The following ATAD2B variants were observed in gnomAD, a reference collection of about 807,000 sequenced individuals.
The protein encoded by ATAD2B is ATPase family AAA domain containing 2B.
In ATAD2B, 40 loss-of-function variants were observed where a neutral mutation model predicts 167.6. That is an observed-to-expected ratio of 0.24 (90% CI 0.19 to 0.31). ATAD2B has a LOEUF of 0.31. ATAD2B is among the 10% of genes least tolerant of loss of function. The pLI, the probability that ATAD2B is intolerant of heterozygous loss-of-function variation, is 1.00. For missense variants in ATAD2B, 1,242 were observed against 1,757.2 expected, an observed-to-expected ratio of 0.71 and a Z score of 5.24; for synonymous variants, 579 against 596.5, an observed-to-expected ratio of 0.97 and a Z score of 0.43.
intron 1 of ATAD2B, among the ~76,000 whole-genome samples, chr2:23,916,899 T>C (rs1703118360): frequency 6.6e-6 from 1 of 152,206 alleles, no homozygotes; most frequent in Admixed American, 6.5e-5. Flanking sequence ...GCTATTTTTT[T>C]ATGGCATGTA....
At position 23,791,513 on chromosome 2, in the gene ATAD2B, C is replaced by T. The variant is rs562419203; in HGVS notation, c.2641-2866G>A. ...CTTTCAATGGCAAAAAACGCAATTACTCTTGCCCAACCTATATTTTAGTGG... is the reference window on the plus strand; with the variant it reads ...CTTTCAATGGCAAAAAACGCAATTATTCTTGCCCAACCTATATTTTAGTGG... On this transcript the variant is annotated intron_variant, in intron 19 of 27. Transcript: ENST00000238789. Among the ~76,000 whole-genome samples, 9 of 151,526 alleles carry T rather than the reference C, an allele frequency of 5.9e-5. No individual in the cohort carries two copies. In the South Asian group the frequency reaches 1.5e-3, roughly 25 times the overall value.
chr2:23,883,886 G>C (rs1265304453), intron 6 of ATAD2B, among the ~76,000 whole-genome samples: 1 of 152,178 alleles, frequency 6.6e-6, no homozygotes, highest in Non-Finnish European at 1.5e-5. Context: ...GCTCACGCCT[G>C]TAATGCTAGC....
chr2:23,714,406 A>ATT, the ATAD2B span, among the ~76,000 whole-genome samples: 180 of 139,278 alleles, frequency 1.3e-3, 7 homozygotes, highest in Middle Eastern at 3.6e-3. Flanking sequence ...CGCCCGGCAA[A>ATT]TTTTTTTTTT....
chr2:23,874,109 C>G (rs1481101266), intron 8 of ATAD2B, among the ~76,000 whole-genome samples: 1 of 151,944 alleles, frequency 6.6e-6, no homozygotes, highest in African/African-American at 2.4e-5. Flanking sequence ...ATTGCTTCAA[C>G]CAAGGAGGCG....
chr2:23,862,485 A>G (rs957987129), intron 12 of ATAD2B, among the ~76,000 whole-genome samples: 15 of 141,558 alleles, frequency 1.1e-4, no homozygotes, highest in Non-Finnish European at 2.1e-4. Flanking sequence ...ATAATCGCTC[A>G]CTGCAGCCTT....
downstream of ATAD2B, among the ~76,000 whole-genome samples, chr2:23,746,717 T>C (rs1674902276): frequency 6.6e-6 from 1 of 152,124 alleles, no homozygotes; most frequent in Non-Finnish European, 1.5e-5. Context: ...ATAAAGAAGA[T>C]AAAGTTCAGG....
the ATAD2B span, among the ~76,000 whole-genome samples, chr2:23,713,811 G>GA: frequency 6.6e-6 from 1 of 152,108 alleles, no homozygotes; most frequent in African/African-American, 2.4e-5. Flanking sequence ...ATACAAAAAT[G>GA]AATACATTTT....
At position 23,895,875 on chromosome 2, in the gene ATAD2B, T is replaced by C; in HGVS notation, c.312A>G (p.Ser104=). ...CTCGCTGACCAGTACTTCGTGATTT[T>C]GATTTGTCTTTGCAAACAGAATCAG... is the stretch of plus-strand genomic sequence containing the variant. ...KQPDSVCKDK[S]KSRSTGQREE... is the part of the protein sequence containing the mutation. Residue 104 remains serine, a synonymous_variant, in exon 2 of 28, where the codon TCA becomes TCG. Transcript: ENST00000238789. 1 of 1,613,452 alleles carries C rather than the reference T, an allele frequency of 6.2e-7. No individual in the cohort carries two copies. The highest frequency in any genetic ancestry group is 8.5e-7 in the Non-Finnish European group (1 of 1,179,556).
intron 22 of ATAD2B, 26 bp downstream of exon 22, chr2:23,782,843 G>A (rs1680262365): frequency 6.3e-7 from 1 of 1,578,106 alleles, no homozygotes; most frequent in Non-Finnish European, 8.6e-7. Flanking sequence ...GATTATCAAG[G>A]GGAACCTTGC....
In ATAD2B at chr2:23,888,393, A is replaced by C; in HGVS notation, c.375T>G (p.Thr125=). 1 of 1,587,618 alleles carries C rather than the reference A, an allele frequency of 6.3e-7. No individual in the cohort carries two copies. Among genetic ancestry groups the C allele is most frequent in the Admixed American group, 1.8e-5 (1 of 54,982 alleles). Residue 125 remains threonine, a synonymous_variant, in exon 3 of 28, where the codon ACT becomes ACG. Coordinates refer to ENST00000238789, the MANE Select transcript of ATAD2B (RefSeq NM_017552.4). ...TTGGTAATGTAGCACCAGGCTGAGAAGTTAACCTAGAACACAATAATATTT... is the reference window on the plus strand; with the variant it reads ...TTGGTAATGTAGCACCAGGCTGAGACGTTAACCTAGAACACAATAATATTT... ...WNLSTGQARL[T]SQPGATLPNG... is the part of the protein sequence containing the mutation.
chr2:23,868,503 G>C (rs1186847121), intron 9 of ATAD2B, among the ~76,000 whole-genome samples: 4 of 152,202 alleles, frequency 2.6e-5, no homozygotes, highest in African/African-American at 4.8e-5. Context: ...ATGTTGCCTA[G>C]GCTGGTCTCA....
the ATAD2B span, among the ~76,000 whole-genome samples, chr2:23,680,736 C>CCCTGGGGTCTCTAGGCCATCTTCT: frequency 6.2e-5 from 9 of 144,534 alleles, 2 homozygotes; most frequent in East Asian, 1.0e-3. This position sits in a 1 kb window ranked among gnomAD's most constrained non-coding sequence, Gnocchi z 4.1. Flanking sequence ...GGCCATCTTC[C>CCCTGGGGTCTCTAGGCCATCTTCT]CCTGGGGTCT....
chr2:23,799,995 T>G (rs1683223376), intron 18 of ATAD2B: 1 of 151,972 alleles, frequency 6.6e-6, no homozygotes, highest in African/African-American at 2.4e-5. Context: ...TCCAAAGTTC[T>G]TGTAGAAAAT....
intron 18 of ATAD2B, among the ~76,000 whole-genome samples, chr2:23,805,954 T>C (rs1684322936): frequency 6.6e-6 from 1 of 152,204 alleles, no homozygotes; most frequent in South Asian, 2.1e-4. Context: ...TTACTGATTT[T>C]AAGGTATTTG....
chr2:23,790,055 TG>T lies in ATAD2B; in HGVS notation c.2641-1409del, dbSNP rs1438638547. 3.3e-5 allele frequency among the ~76,000 whole-genome samples: 5 copies of T among 152,320 alleles called. No individual in the cohort carries two copies. The East Asian group carries it at 9.6e-4, about 29-fold the overall frequency. On this transcript the variant is annotated intron_variant, in intron 19 of 27. Coordinates refer to ENST00000238789, the MANE Select transcript of ATAD2B (RefSeq NM_017552.4). ...TCACCTTGTGTCGTTCCAGTGCTTTTGTAGACTACCTTCATGCACAGTTCCC... is the reference window on the plus strand; with the variant it reads ...TCACCTTGTGTCGTTCCAGTGCTTTTTAGACTACCTTCATGCACAGTTCCC...
chr2:23,800,833 A>G lies in ATAD2B; in HGVS notation c.2455-2510T>C, dbSNP rs1683379304. 2.6e-5 allele frequency among the ~76,000 whole-genome samples: 4 copies of G among 152,054 alleles called. No individual in the cohort carries two copies. In the South Asian group the frequency reaches 6.2e-4, roughly 24 times the overall value. On this transcript the variant is annotated intron_variant, in intron 18 of 27. Coordinates refer to ENST00000238789, the MANE Select transcript of ATAD2B (RefSeq NM_017552.4). ...TCCTTCTTGATTAAAAAAAAAATTT[A>G]TATTTGAAAACCTATTGGGGAAAAA...
At chr2:23,878,369 A>T (rs1697355038) in intron 7 of ATAD2B, among the ~76,000 whole-genome samples, 1 of 151,060 alleles carries the variant, frequency 6.6e-6, no homozygotes, top group South Asian at 2.1e-4. Context: ...TCAAAAAATG[A>T]ATAAATAGGC....
chr2:23,924,392 G>A (rs191395328), intron 1 of ATAD2B, among the ~76,000 whole-genome samples: 1 of 152,316 alleles, frequency 6.6e-6, no homozygotes, highest in Admixed American at 6.5e-5. Context: ...CAGACATAGA[G>A]GGTGTCTTTA....
the ATAD2B span, chr2:23,691,984 G>C: frequency 1.8e-6 from 2 of 1,100,882 alleles, no homozygotes; most frequent in Admixed American, 2.2e-5. Context: ...CACACCTGAA[G>C]CTCCCTCACA....
Sources: allele counts gnomAD v4.1 joint callset (sites outside exome capture counted in the v4.1 genomes callset), GRCh38; gene constraint gnomAD v4.1.1; non-coding constraint Gnocchi (gnomAD v3.1); transcripts MANE v1.5; gene names NCBI Gene and HGNC (gene_info 2026-07-23, HGNC 2026-07-21).